TSNARE1: variants seen among roughly 807,000 people sequenced by gnomAD.
The protein encoded by TSNARE1 is t-SNARE domain-containing protein 1.
TSNARE1 carries 49 observed loss-of-function variants against 62.0 expected under a neutral mutation model. The ratio of observed to expected loss-of-function variants is 0.79; its 90% CI spans 0.63 to 1.00. The LOEUF is 1.00. TSNARE1 is among the 50% of genes least tolerant of loss of function. The pLI, the probability that TSNARE1 is intolerant of heterozygous loss-of-function variation, is 0.00. For missense variants in TSNARE1, 755 were observed against 700.1 expected, an observed-to-expected ratio of 1.08 and a Z score of -0.88; for synonymous variants, 328 against 294.4, an observed-to-expected ratio of 1.11 and a Z score of -1.17.
At chr8:142,323,829 C>G (rs1300427338) in intron 6 of TSNARE1, among the ~76,000 whole-genome samples, 2 of 152,174 alleles carry the variant, frequency 1.3e-5, no homozygotes, top group African/African-American at 4.8e-5. Flanking sequence ...ACTTCCCCAT[C>G]CATCCTCACG....
At chr8:142,265,124 T>TTGTGTGTG (rs35377443) in intron 12 of TSNARE1, among the ~76,000 whole-genome samples, 159 of 151,004 alleles carry the variant, frequency 1.1e-3, no homozygotes, top group Middle Eastern at 3.4e-3. Flanking sequence ...TCTACTCAGT[T>TTGTGTGTG]TGTGTGTGTG....
At chr8:142,343,924 C>T in intron 4 of TSNARE1, 42 bp downstream of exon 4, 1 of 1,477,682 alleles carries the variant, frequency 6.8e-7, no homozygotes, top group Non-Finnish European at 9.0e-7. Context: ...TCCTGCTGGA[C>T]AGAGTGGCAC....
chr8:142,308,296 G>T (rs938822845), intron 9 of TSNARE1, among the ~76,000 whole-genome samples: 1 of 152,160 alleles, frequency 6.6e-6, no homozygotes, highest in East Asian at 1.9e-4. Flanking sequence ...AAGGCGTCGG[G>T]GAGCCTCCCA....
chr8:142,263,254 G>A (rs1818978110), intron 12 of TSNARE1, among the ~76,000 whole-genome samples: 1 of 152,198 alleles, frequency 6.6e-6, no homozygotes, highest in African/African-American at 2.4e-5. Context: ...ACTTTCTCAG[G>A]ACGTCTGGAA....
rs1284432586 is a variant in TSNARE1 at position 142,284,101 on chromosome 8, G to A, written c.1363+312C>T. ...GTGTCTGCCAATGAGCAGAGGCGGG[G>A]CCAGTGTCTGTCAATGAGGAGAGGC... is the stretch of plus-strand genomic sequence containing the variant. On this transcript the variant is annotated intron_variant, in intron 11 of 13. Transcript: ENST00000524325. Among the ~76,000 whole-genome samples, 8 of 107,560 alleles carry A rather than the reference G, an allele frequency of 7.4e-5. 4 individuals are homozygous for A. The highest frequency in any genetic ancestry group is 1.9e-4 in the Non-Finnish European group (8 of 42,474). 70.6% of individuals were successfully genotyped at this position (107,560 alleles called of 152,430 possible).
rs118142245 is a variant in TSNARE1, at chr8:142,287,956, G to T, written c.1291-3471C>A. On this transcript the variant is annotated intron_variant, in intron 10 of 13. Transcript: ENST00000524325. ...TCGGTCAGATCTCGGGGATCGTGGG[G>T]CTCCCTTCAGGACGTCCCGTGCTGC... is the stretch of plus-strand genomic sequence containing the variant. Among the ~76,000 whole-genome samples, 50 of 152,346 alleles carry T rather than the reference G, an allele frequency of 3.3e-4. No homozygotes were observed. The East Asian group carries it at 9.7e-3, about 29-fold the overall frequency.
At chr8:142,243,771 A>C (rs2130212510) in intron 12 of TSNARE1, among the ~76,000 whole-genome samples, 1 of 152,342 alleles carries the variant, frequency 6.6e-6, no homozygotes, top group East Asian at 1.9e-4. Context: ...ATCACAAAAT[A>C]AGTATGTGGA....
rs547203745 is a variant in TSNARE1, at chr8:142,292,440, T to C, written c.1291-7955A>G. Among the ~76,000 whole-genome samples, 2 of 152,218 alleles carry C rather than the reference T, an allele frequency of 1.3e-5. 1 individual carries two copies. Among genetic ancestry groups the C allele is most frequent in the South Asian group, 4.2e-4 (2 of 4,812 alleles). On this transcript the variant is annotated intron_variant, in intron 10 of 13. Coordinates refer to ENST00000524325, the MANE Select transcript of TSNARE1 (RefSeq NM_145003.5). ...GCAATGTGCTTGCTGATGGGCAGAA[T>C]TGGACGAGGGAGACGTGAGGGTCCA...
rs558290408 is a variant in TSNARE1 at position 142,341,494 on chromosome 8, C to T, written c.745+2472G>A. 4.6e-5 allele frequency among the ~76,000 whole-genome samples: 7 copies of T among 152,290 alleles called. No homozygotes were observed. In the East Asian group the frequency reaches 1.2e-3, roughly 25 times the overall value. On this transcript the variant is annotated intron_variant, in intron 4 of 13. Coordinates refer to ENST00000524325, the MANE Select transcript of TSNARE1 (RefSeq NM_145003.5). ...TAGCAGGCAGGCCGGCAAGGGGCCC[C>T]GGGGCCTGACCCCAGCCTCCAACCC...
At chr8:142,362,518 G>C (rs143240909) in intron 1 of TSNARE1, among the ~76,000 whole-genome samples, 2 of 152,310 alleles carry the variant, frequency 1.3e-5, no homozygotes, top group South Asian at 4.2e-4. Context: ...TCCTCAGCTC[G>C]TGGTTCTGGG....
At chr8:142,286,004 C>T (rs1363558790) in intron 10 of TSNARE1, among the ~76,000 whole-genome samples, 2 of 152,190 alleles carry the variant, frequency 1.3e-5, no homozygotes, top group East Asian at 3.9e-4. Context: ...ACCTCCAGGG[C>T]CTCTCGGAAA....
intron 6 of TSNARE1, 130 bp from the exon 7 acceptor site, chr8:142,318,764 C>T (rs1056349513): frequency 8.5e-5 from 65 of 765,056 alleles, no homozygotes; most frequent in African/African-American, 7.6e-4. Context: ...GATGGACAGG[C>T]GGAGAGAGGG....
chr8:142,255,507 T>A (rs1325456598), intron 12 of TSNARE1, among the ~76,000 whole-genome samples: 1 of 5,438 alleles, frequency 1.8e-4, no homozygotes, highest in South Asian at 8.8e-3. Context: ...CCACCACCAC[T>A]GTCACCATCA....
chr8:142,329,218 CAGGG>C lies in TSNARE1; in HGVS notation c.893+1679_893+1682del, dbSNP rs1261593243. 2.0e-5 allele frequency among the ~76,000 whole-genome samples: 3 copies of C among 152,248 alleles called. No individual in the cohort carries two copies. The East Asian group carries it at 5.8e-4, about 29-fold the overall frequency. ...CAGGCTAGACCCACAGCTGGCCATG[CAGGG>C]AGGGTCAGAAAAGCACTAAGGCGAG... On this transcript the variant is annotated intron_variant, in intron 6 of 13. Coordinates refer to ENST00000524325, the MANE Select transcript of TSNARE1 (RefSeq NM_145003.5).
At position 142,304,217 on chromosome 8, in the gene TSNARE1, G is replaced by C. The variant is rs538656062; in HGVS notation, c.1132-3573C>G. The stretch of plus-strand genomic sequence containing the variant: ...TCCTGGAGTGGGCGGGAGGAAGTGA[G>C]CAGTGCCTGGCGGTGGGAGCCCAGG... On this transcript the variant is annotated intron_variant, in intron 9 of 13. Coordinates refer to ENST00000524325, the MANE Select transcript of TSNARE1 (RefSeq NM_145003.5). Among the ~76,000 whole-genome samples, 6 of 152,380 alleles carry C rather than the reference G, an allele frequency of 3.9e-5. No individual in the cohort carries two copies. The East Asian group carries it at 1.2e-3, about 29-fold the overall frequency.
At chr8:142,332,243 G>A (rs1047692178) in intron 4 of TSNARE1, among the ~76,000 whole-genome samples, 3 of 152,222 alleles carry the variant, frequency 2.0e-5, no homozygotes, top group Non-Finnish European at 4.4e-5. Flanking sequence ...GCTCAGCATT[G>A]GAAACAGAAA....
At chr8:142,250,726 G>T (rs1351487677) in intron 12 of TSNARE1, among the ~76,000 whole-genome samples, 2 of 152,196 alleles carry the variant, frequency 1.3e-5, no homozygotes, top group Non-Finnish European at 2.9e-5. Flanking sequence ...CCGAGGGCAT[G>T]GCAGCACAGG....
In TSNARE1 at chr8:142,311,290, G is replaced by GTTTT. The variant is rs58755110; in HGVS notation, c.1131+3090_1131+3093dup. 4.4e-3 allele frequency among the ~76,000 whole-genome samples: 254 copies of GTTTT among 57,340 alleles called. 23 individuals are homozygous for GTTTT. Among genetic ancestry groups the GTTTT allele is most frequent in the African/African-American group, 0.019 (206 of 10,728 alleles). The allele number at this position is 57,340 out of a possible 152,430, so 37.6% of individuals were successfully genotyped here. Reference sequence around the variant, plus strand: ...CGATTCTCCTGCCTCAGCCTCTCTAGTTTTTTTTTTTTTTTTTTTTTTTTG... The same window carrying GTTTT: ...CGATTCTCCTGCCTCAGCCTCTCTAGTTTTTTTTTTTTTTTTTTTTTTTTTTTTG... On this transcript the variant is annotated intron_variant, in intron 9 of 13. Transcript: ENST00000524325.
rs529092002 is a variant in TSNARE1, at chr8:142,265,228, G to A, written c.1446+9553C>T. On this transcript the variant is annotated intron_variant, in intron 12 of 13. Transcript: ENST00000524325. ...TGTCCCACCACCACAAGGCTCTCCTGCAGCCTTTTACAACTGCACCCTACC... is the reference window on the plus strand; with the variant it reads ...TGTCCCACCACCACAAGGCTCTCCTACAGCCTTTTACAACTGCACCCTACC... Among the ~76,000 whole-genome samples, 3 of 152,178 alleles carry A rather than the reference G, an allele frequency of 2.0e-5. No homozygotes were observed. In the East Asian group the frequency reaches 5.8e-4, roughly 29 times the overall value.
Sources: gnomAD v4.1 joint callset for allele counts (sites outside exome capture counted in the v4.1 genomes callset) on GRCh38, gnomAD v4.1.1 for gene constraint, MANE v1.5 for transcripts, NCBI Gene and HGNC (gene_info 2026-07-23, HGNC 2026-07-21) for gene names.